NCAPG2: variants seen among roughly 807,000 people sequenced by gnomAD.
NCAPG2 encodes the protein non-SMC condensin II complex subunit G2, also known as condensin-2 complex subunit G2.
NCAPG2 carries 53 observed loss-of-function variants against 141.1 expected under a neutral mutation model. The ratio of observed to expected loss-of-function variants is 0.38; its 90% CI spans 0.30 to 0.47. NCAPG2 has a LOEUF of 0.47. Ranked by LOEUF, NCAPG2 falls within the 20% of genes least tolerant of loss-of-function variation. The pLI, the probability that NCAPG2 is intolerant of heterozygous loss-of-function variation, is 0.99. For synonymous variants in NCAPG2, 499 were observed against 490.7 expected (o/e 1.02, Z -0.22); for missense variants, 1,087 against 1,389.0 (o/e 0.78, Z 3.46).
intron 27 of NCAPG2, chr7:158,639,783 C>T (rs1830513453): frequency 1.1e-6 from 1 of 929,798 alleles, no homozygotes; most frequent in African/African-American, 1.8e-5. Context: ...AAAACAAAAA[C>T]AAAACACTAC....
At chr7:158,657,135 C>A (rs1297503196) in intron 17 of NCAPG2, among the ~76,000 whole-genome samples, 1 of 152,150 alleles carries the variant, frequency 6.6e-6, no homozygotes, top group Admixed American at 6.5e-5. Context: ...TTATGAGACA[C>A]AAAAGCCACA....
intron 13 of NCAPG2, among the ~76,000 whole-genome samples, chr7:158,670,131 AAGTAACTCAAT>A (rs778998706): frequency 5.4e-4 from 82 of 152,366 alleles, no homozygotes; most frequent in Non-Finnish European, 7.5e-4. Flanking sequence ...AAAAGCATCA[AAGTAACTCAAT>A]TGCATATGAC....
rs749921045 is a variant in NCAPG2 at position 158,655,155 on chromosome 7, A to G, written c.2609T>C (p.Leu870Pro). The change falls in exon 21 of 28, where the codon CTG (leucine) becomes CCG (proline). Residue 870 changes from leucine (L) to proline (P), a missense_variant. Leu to Pro is a moderately conservative substitution (Grantham distance 98). Coordinates refer to ENST00000356309, the MANE Select transcript of NCAPG2 (RefSeq NM_017760.7). The part of the protein sequence containing the change: ...SFIQDQEEDY[L>P]KLHRVIYQQI... Reference sequence around the variant, plus strand: ...CTGATAAATGACCCTATGAAGCTTCAGGTAGTCTTCTTCTTGATCTTGAAT... The same window carrying G: ...CTGATAAATGACCCTATGAAGCTTCGGGTAGTCTTCTTCTTGATCTTGAAT... 3 of 1,613,970 alleles carry G rather than the reference A, an allele frequency of 1.9e-6. No homozygotes were observed. The South Asian group carries it at 3.3e-5, about 18-fold the overall frequency.
At chr7:158,643,012 G>A (rs796896418) in intron 27 of NCAPG2, among the ~76,000 whole-genome samples, 10 of 152,142 alleles carry the variant, frequency 6.6e-5, no homozygotes, top group African/African-American at 2.4e-4. Context: ...GCCCAGGCTA[G>A]AGTGCAGTGG....
intron 2 of NCAPG2, among the ~76,000 whole-genome samples, chr7:158,695,401 T>A: frequency 6.6e-6 from 1 of 152,190 alleles, no homozygotes; most frequent in East Asian, 1.9e-4. Context: ...GGAAAAGAAA[T>A]AGCTGCCCAT....
chr7:158,704,339 C>A (rs913314729), intron 1 of NCAPG2, among the ~76,000 whole-genome samples: 1 of 147,438 alleles, frequency 6.8e-6, no homozygotes, highest in African/African-American at 2.5e-5. Context: ...TCTCTGAGGG[C>A]AGTTCCCATG....
chr7:158,673,637 G>GCTAC (rs2129465430), intron 12 of NCAPG2, among the ~76,000 whole-genome samples: 1 of 152,324 alleles, frequency 6.6e-6, no homozygotes, highest in South Asian at 2.1e-4. Flanking sequence ...GAATCTCAGA[G>GCTAC]CTACCTGCTG....
At chr7:158,692,587 C>T (rs1307719287) in intron 4 of NCAPG2, among the ~76,000 whole-genome samples, 2 of 152,022 alleles carry the variant, frequency 1.3e-5, no homozygotes, top group Admixed American at 1.3e-4. Flanking sequence ...ACTAAAAATA[C>T]AAAATTAGGC....
At chr7:158,689,371 G>A (rs985608953) in intron 6 of NCAPG2, among the ~76,000 whole-genome samples, 17 of 152,110 alleles carry the variant, frequency 1.1e-4, no homozygotes, top group African/African-American at 4.1e-4. Flanking sequence ...AGCCTCATAT[G>A]GGAGTTGACC....
At chr7:158,681,949 T>C (rs1834476488) in intron 9 of NCAPG2, among the ~76,000 whole-genome samples, 1 of 152,152 alleles carries the variant, frequency 6.6e-6, no homozygotes, top group African/African-American at 2.4e-5. Flanking sequence ...ATCAGATAAA[T>C]TTAATAGTTA....
intron 2 of NCAPG2, among the ~76,000 whole-genome samples, chr7:158,697,360 G>GGGA (rs1186701035): frequency 6.6e-6 from 1 of 152,226 alleles, no homozygotes; most frequent in Non-Finnish European, 1.5e-5. Context: ...CCAGCACTTT[G>GGGA]GGAGGCCAAG....
chr7:158,670,895 G>T (rs1450140423), intron 13 of NCAPG2, among the ~76,000 whole-genome samples: 1 of 152,196 alleles, frequency 6.6e-6, no homozygotes, highest in Non-Finnish European at 1.5e-5. Context: ...TTTCTGAGAA[G>T]CTACTGTGTG....
intron 11 of NCAPG2, among the ~76,000 whole-genome samples, chr7:158,679,470 A>T (rs574284229): frequency 6.6e-6 from 1 of 152,374 alleles, no homozygotes; most frequent in South Asian, 2.1e-4. Flanking sequence ...TTGCCCTGAA[A>T]TATAACCAGT....
intron 2 of NCAPG2, among the ~76,000 whole-genome samples, chr7:158,695,545 C>T (rs1716329633): frequency 6.6e-6 from 1 of 152,222 alleles, no homozygotes; most frequent in South Asian, 2.1e-4. Flanking sequence ...TCACTGAAGG[C>T]TGTTTGGAGC....
chr7:158,677,176 A>T (rs952723078), intron 11 of NCAPG2, among the ~76,000 whole-genome samples: 1 of 152,176 alleles, frequency 6.6e-6, no homozygotes, highest in Non-Finnish European at 1.5e-5. Context: ...AGGAAGAGAT[A>T]CTGGGCAACA....
chr7:158,692,655 C>T (rs375555181), intron 4 of NCAPG2, among the ~76,000 whole-genome samples, 187 bp downstream of exon 4: 3 of 152,166 alleles, frequency 2.0e-5, no homozygotes, highest in Non-Finnish European at 4.4e-5. Flanking sequence ...GCAAGAGAAT[C>T]GCTTGAACCC....
intron 12 of NCAPG2, among the ~76,000 whole-genome samples, chr7:158,672,280 GTGTGTGTGTGTGTATATATATATATATA>G (rs1284183644): frequency 0.037 from 1,876 of 50,418 alleles, 111 homozygotes; most frequent in African/African-American, 0.097. Flanking sequence ...CCAAACACAT[GTGTGTGTGTGTGTATATATATATATATA>G]TATATATATA....
intron 2 of NCAPG2, 36 bp downstream of exon 2, chr7:158,701,786 T>C: frequency 6.4e-7 from 1 of 1,559,708 alleles, no homozygotes; most frequent in South Asian, 1.1e-5. Context: ...ATATTCACAG[T>C]CAAAAATCAC....
chr7:158,698,914 T>C (rs1423157851), intron 2 of NCAPG2, among the ~76,000 whole-genome samples: 1 of 151,778 alleles, frequency 6.6e-6, no homozygotes, highest in Admixed American at 6.6e-5. Flanking sequence ...GCCTCCCAAG[T>C]AGTTGGGACC....
Sources: gnomAD v4.1 joint callset for allele counts (sites outside exome capture counted in the v4.1 genomes callset) on GRCh38, gnomAD v4.1.1 for gene constraint, MANE v1.5 for transcripts, NCBI Gene and HGNC (gene_info 2026-07-23, HGNC 2026-07-21) for gene names.